TRPM3: variants seen among roughly 807,000 people sequenced by gnomAD.
TRPM3 encodes the protein transient receptor potential cation channel subfamily M member 3.
TRPM3 carries 77 observed loss-of-function variants against 181.2 expected under a neutral mutation model. The observed-to-expected ratio is 0.42, with a 90% CI of 0.35 to 0.51. TRPM3 has a LOEUF of 0.51. Ranked by LOEUF, TRPM3 falls within the 20% of genes least tolerant of loss-of-function variation. The probability of loss-of-function intolerance (pLI) is 0.01; values close to 1 mark genes in which losing one functional copy is unlikely to be tolerated. For missense variants in TRPM3, 1,759 were observed against 2,196.7 expected (o/e 0.80, Z 3.98); for synonymous variants, 745 against 796.4 (o/e 0.94, Z 1.09).
intron 6 of TRPM3, among the ~76,000 whole-genome samples, chr9:70,787,763 C>CTTTTTTTTTTTTTTTT: frequency 4.4e-5 from 3 of 68,558 alleles, no homozygotes; most frequent in African/African-American, 5.8e-5. Context: ...TTTTTGGATT[C>CTTTTTTTTTTTTTTTT]TTTTTTTTTT....
At chr9:71,068,752 C>T (rs1371758168) in intron 1 of TRPM3, among the ~76,000 whole-genome samples, 2 of 152,200 alleles carry the variant, frequency 1.3e-5, no homozygotes, top group African/African-American at 2.4e-5. Flanking sequence ...TAGGAATCTG[C>T]ATTTTCAAAG....
chr9:71,366,404 C>T (rs60207051), intron 1 of TRPM3, among the ~76,000 whole-genome samples: 1 of 152,050 alleles, frequency 6.6e-6, no homozygotes, highest in African/African-American at 2.4e-5. Flanking sequence ...GGGAGAGGCC[C>T]TGTTGAGCTC....
At chr9:71,416,914 T>C (rs1404311214) in intron 1 of TRPM3, among the ~76,000 whole-genome samples, 1 of 152,016 alleles carries the variant, frequency 6.6e-6, no homozygotes, top group African/African-American at 2.4e-5. Flanking sequence ...TTCATATAAA[T>C]AGAATCATAC....
chr9:71,253,024 T>C (rs575203528), intron 1 of TRPM3, among the ~76,000 whole-genome samples: 1 of 152,144 alleles, frequency 6.6e-6, no homozygotes, highest in Admixed American at 6.5e-5. Flanking sequence ...TGAGTTTTTC[T>C]GTCCAAATTT....
chr9:70,660,762 C>A (rs1650169317), intron 9 of TRPM3, among the ~76,000 whole-genome samples: 1 of 151,890 alleles, frequency 6.6e-6, no homozygotes, highest in African/African-American at 2.4e-5. Context: ...CCTGAAAAGA[C>A]AAATAACAAG....
chr9:71,054,069 T>C (rs1181136143), intron 1 of TRPM3, among the ~76,000 whole-genome samples: 2 of 152,140 alleles, frequency 1.3e-5, no homozygotes, highest in East Asian at 1.9e-4. Flanking sequence ...CTATCCACCA[T>C]TGATATATGT....
At chr9:70,998,176 TATATATACATATATACAC>T (rs1270269564) in intron 1 of TRPM3, among the ~76,000 whole-genome samples, 1 of 145,574 alleles carries the variant, frequency 6.9e-6, no homozygotes, top group African/African-American at 2.5e-5. Context: ...TATATACACA[TATATATACATATATACAC>T]ATATATACAT....
intron 1 of TRPM3, among the ~76,000 whole-genome samples, chr9:71,149,052 A>G (rs536321407): frequency 6.6e-6 from 1 of 152,154 alleles, no homozygotes; most frequent in Non-Finnish European, 1.5e-5. Flanking sequence ...TAGATCTAAT[A>G]AAATGTAATC....
chr9:70,993,744 G>A (rs539845353), intron 1 of TRPM3, among the ~76,000 whole-genome samples: 8 of 142,630 alleles, frequency 5.6e-5, no homozygotes, highest in South Asian at 2.2e-4. Context: ...GAGATTGCGC[G>A]ACTGCACTCT....
chr9:71,072,340 C>T (rs1045590228), intron 1 of TRPM3, among the ~76,000 whole-genome samples: 1 of 152,136 alleles, frequency 6.6e-6, no homozygotes, highest in Non-Finnish European at 1.5e-5. Context: ...AGCATTTTGT[C>T]TTAGATTTGC....
chr9:71,168,607 TTA>T (rs1491082386), intron 1 of TRPM3, among the ~76,000 whole-genome samples: 16 of 128,268 alleles, frequency 1.2e-4, no homozygotes, highest in African/African-American at 4.2e-4. Context: ...TTATTTTTAT[TTA>T]TTTTTTTATT....
intron 1 of TRPM3, among the ~76,000 whole-genome samples, chr9:70,898,728 A>G (rs2096331034): frequency 6.8e-6 from 1 of 146,408 alleles, no homozygotes; most frequent in Non-Finnish European, 1.5e-5. Context: ...AGTTTGGGCA[A>G]AAGAGTGAGA....
At chr9:70,649,051 G>A (rs55874017) in intron 9 of TRPM3, among the ~76,000 whole-genome samples, 8,178 of 151,946 alleles carry the variant, frequency 0.054, 272 homozygotes, top group South Asian at 0.1. Context: ...CAGAGTAAAT[G>A]GACAACCTAA....
At chr9:70,654,262 T>G (rs565509485) in intron 9 of TRPM3, among the ~76,000 whole-genome samples, 46 of 152,232 alleles carry the variant, frequency 3.0e-4, no homozygotes, top group Middle Eastern at 6.8e-3. Flanking sequence ...TTCTCAGCCT[T>G]GAAGAGAAAG....
intron 1 of TRPM3, among the ~76,000 whole-genome samples, chr9:71,317,188 C>T (rs1038349242): frequency 2.0e-5 from 3 of 152,128 alleles, no homozygotes; most frequent in East Asian, 1.9e-4. Context: ...CAAAAATGAA[C>T]ACCTTAAAAA....
At chr9:71,443,476 G>A (rs1170126712) in intron 1 of TRPM3, among the ~76,000 whole-genome samples, 1 of 152,160 alleles carries the variant, frequency 6.6e-6, no homozygotes, top group African/African-American at 2.4e-5. Context: ...CTATTGCACA[G>A]GGCAGCACTG....
chr9:71,367,953 G>GTC (rs2092389590), intron 1 of TRPM3, among the ~76,000 whole-genome samples: 1 of 150,704 alleles, frequency 6.6e-6, no homozygotes, highest in Admixed American at 6.6e-5. Context: ...TTGTGTGTGT[G>GTC]TGTGTGTATA....
At chr9:70,811,053 TA>T (rs1432860761) in intron 6 of TRPM3, 7 of 781,006 alleles carry the variant, frequency 9.0e-6, no homozygotes, top group Non-Finnish European at 1.5e-5. Flanking sequence ...GAGATAGAGA[TA>T]AAACAACAGT....
intron 6 of TRPM3, among the ~76,000 whole-genome samples, chr9:70,805,421 C>A (rs1020919074): frequency 2.6e-5 from 4 of 151,116 alleles, no homozygotes; most frequent in Non-Finnish European, 5.9e-5. Context: ...GTAGTCCCAG[C>A]TACTCGGGAG....
Sources: gnomAD v4.1 joint callset for allele counts (sites outside exome capture counted in the v4.1 genomes callset) on GRCh38, gnomAD v4.1.1 for gene constraint, MANE v1.5 for transcripts, NCBI Gene and HGNC (gene_info 2026-07-23, HGNC 2026-07-21) for gene names.